The following ITPK1 variants were observed in gnomAD, a reference collection of about 807,000 sequenced individuals.
ITPK1 encodes the protein inositol 1,3,4-trisphosphate 5/6-kinase.
In ITPK1, 21 loss-of-function variants were observed where a neutral mutation model predicts 45.3. The ratio of observed to expected loss-of-function variants is 0.46; its 90% CI spans 0.33 to 0.67. The LOEUF is 0.67. Among genes scored for constraint, ITPK1 ranks in the 30% least tolerant of loss-of-function variants. ITPK1 has a pLI of 0.02. For synonymous variants in ITPK1, 258 were observed against 253.6 expected (o/e 1.02, Z -0.16); for missense variants, 474 against 573.5 (o/e 0.83, Z 1.77).
At chr14:93,009,485 G>A (rs918560230) in intron 4 of ITPK1, among the ~76,000 whole-genome samples, 3 of 152,290 alleles carry the variant, frequency 2.0e-5, no homozygotes, top group South Asian at 2.1e-4. Context: ...TGGGGACCAG[G>A]CTTGCTTTCC....
At position 92,978,605 on chromosome 14, in the gene ITPK1, G is replaced by A. The variant is rs956174155; in HGVS notation, c.364+15275C>T. ...GCCCTGCTGCTCCATGCAGCCTCAGGACATGGCATCCTGCATCCCAGCTGC... is the reference window on the plus strand; with the variant it reads ...GCCCTGCTGCTCCATGCAGCCTCAGAACATGGCATCCTGCATCCCAGCTGC... On this transcript the variant is annotated intron_variant, in intron 5 of 10. Transcript: ENST00000267615. Among the ~76,000 whole-genome samples the A allele has an allele frequency of 3.3e-5, 5 of 151,972 alleles. 1 individual carries two copies. Among genetic ancestry groups the A allele is most frequent in the African/African-American group, 1.2e-4 (5 of 41,232 alleles).
At chr14:93,075,326 C>CAAAAAAAAAAAAAAAAAAAA in intron 3 of ITPK1, among the ~76,000 whole-genome samples, 1 of 53,962 alleles carries the variant, frequency 1.9e-5, no homozygotes, top group Non-Finnish European at 3.3e-5. Flanking sequence ...GACTCCTTCT[C>CAAAAAAAAAAAAAAAAAAAA]AAAAAAAAAA....
chr14:93,090,329 C>T (rs995977062), intron 2 of ITPK1, among the ~76,000 whole-genome samples: 1 of 152,204 alleles, frequency 6.6e-6, no homozygotes, highest in African/African-American at 2.4e-5. Context: ...GCCTCTTCCT[C>T]GCACCATCCT....
chr14:93,031,434 C>T (rs924947021), intron 3 of ITPK1, among the ~76,000 whole-genome samples: 2 of 152,212 alleles, frequency 1.3e-5, no homozygotes, highest in South Asian at 2.1e-4. Flanking sequence ...CTGGTACAGG[C>T]TGTAAGCGCT....
chr14:93,098,239 G>A (rs752489030), intron 2 of ITPK1, among the ~76,000 whole-genome samples: 1 of 151,868 alleles, frequency 6.6e-6, no homozygotes, highest in African/African-American at 2.4e-5. Flanking sequence ...GGCAGATCAC[G>A]AGGTCAGGAG....
rs773077144 is a variant in ITPK1 at position 93,016,664 on chromosome 14, G to T, written c.246+12C>A. 3 of 1,613,678 alleles carry T rather than the reference G, an allele frequency of 1.9e-6. No individual in the cohort carries two copies. In the South Asian group the frequency reaches 3.3e-5, roughly 18 times the overall value. ...AAATGCCACAGCCAAGGGCTGCATGGTCCTCACTCACCTGGAACCTGTGCA... is the reference window on the plus strand; with the variant it reads ...AAATGCCACAGCCAAGGGCTGCATGTTCCTCACTCACCTGGAACCTGTGCA... On this transcript the variant is annotated intron_variant, in intron 4 of 10. Coordinates refer to ENST00000267615, the MANE Select transcript of ITPK1 (RefSeq NM_014216.6). This position sits in a 1 kb window ranked among gnomAD's most constrained non-coding sequence, Gnocchi z 5.0.
intron 5 of ITPK1, among the ~76,000 whole-genome samples, chr14:92,965,256 G>C (rs1885284485): frequency 6.6e-6 from 1 of 152,108 alleles, no homozygotes; most frequent in South Asian, 2.1e-4. Context: ...TATCAATAGA[G>C]GACAAAAACC....
intron 8 of ITPK1, among the ~76,000 whole-genome samples, chr14:92,957,368 A>AGAAC (rs1884792817): frequency 6.6e-6 from 1 of 152,276 alleles, no homozygotes; most frequent in Admixed American, 6.5e-5. Flanking sequence ...AAAGGTTTCC[A>AGAAC]GAACGTGCCT....
intron 5 of ITPK1, among the ~76,000 whole-genome samples, chr14:92,986,502 C>T (rs141791392): frequency 1.8e-4 from 28 of 152,316 alleles, no homozygotes; most frequent in African/African-American, 2.6e-4. Context: ...GAAAAGTGAT[C>T]GGAGCCAGCT....
At chr14:92,974,524 AG>A (rs1221581648) in intron 5 of ITPK1, among the ~76,000 whole-genome samples, 1 of 152,138 alleles carries the variant, frequency 6.6e-6, no homozygotes, top group Non-Finnish European at 1.5e-5. Flanking sequence ...GGCCTTGGGC[AG>A]GCCAGGCATG....
At chr14:92,951,533 C>T (rs775885773) in intron 9 of ITPK1, among the ~76,000 whole-genome samples, 30 of 152,182 alleles carry the variant, frequency 2.0e-4, no homozygotes, top group Non-Finnish European at 4.1e-4. Flanking sequence ...TCCTGCCAGC[C>T]TCAGGACCAC....
At chr14:93,074,423 G>A (rs761123532) in intron 3 of ITPK1, among the ~76,000 whole-genome samples, 6 of 152,294 alleles carry the variant, frequency 3.9e-5, no homozygotes, top group South Asian at 2.1e-4. Flanking sequence ...GAAACCCGCC[G>A]ACCCCTGTCC....
chr14:93,025,768 C>T (rs1888704900), intron 3 of ITPK1, among the ~76,000 whole-genome samples: 1 of 152,224 alleles, frequency 6.6e-6, no homozygotes, highest in Admixed American at 6.5e-5. Flanking sequence ...TCTAGGTCCT[C>T]CCTTTTTCAC....
chr14:93,078,599 CCACGGTTT>C (rs1182035039), intron 2 of ITPK1, among the ~76,000 whole-genome samples: 2 of 152,172 alleles, frequency 1.3e-5, no homozygotes, highest in Admixed American at 6.5e-5. Context: ...CCATCTGCTT[CCACGGTTT>C]CATGAGGGAC....
At chr14:93,102,932 C>G (rs1477561015) in intron 2 of ITPK1, among the ~76,000 whole-genome samples, 3 of 151,528 alleles carry the variant, frequency 2.0e-5, no homozygotes, top group Non-Finnish European at 4.4e-5. Context: ...AACCCTGTCT[C>G]TACTAAAAAT....
rs779002399 is a variant in ITPK1 at position 92,937,724 on chromosome 14, G to C, written c.*3837C>G. 5 of 152,704 alleles carry C rather than the reference G, an allele frequency of 3.3e-5. No homozygotes were observed. Among genetic ancestry groups the C allele is most frequent in the Non-Finnish European group, 7.3e-5 (5 of 68,410 alleles). 9.5% of individuals were successfully genotyped at this position (152,704 alleles called of 1,614,324 possible). ...ACCTGAGTCAGGCTTATGCCTGGGCGGGGCAGATGACTGTGGCATCGGGGT... is the reference window on the plus strand; with the variant it reads ...ACCTGAGTCAGGCTTATGCCTGGGCCGGGCAGATGACTGTGGCATCGGGGT... On this transcript the variant is annotated 3_prime_UTR_variant, in exon 11 of 11. Coordinates refer to ENST00000267615, the MANE Select transcript of ITPK1 (RefSeq NM_014216.6).
chr14:93,081,656 C>T (rs973305740), intron 2 of ITPK1, among the ~76,000 whole-genome samples: 1 of 152,214 alleles, frequency 6.6e-6, no homozygotes, highest in African/African-American at 2.4e-5. Context: ...CATTTGCCAT[C>T]TGGCAGAGCA....
chr14:92,956,404 T>C (rs533750851), intron 8 of ITPK1, among the ~76,000 whole-genome samples: 1 of 152,160 alleles, frequency 6.6e-6, no homozygotes, highest in East Asian at 1.9e-4. Context: ...GAACTGGGAC[T>C]ACAGGCATGA....
chr14:92,986,507 C>T (rs1886490835), intron 5 of ITPK1, among the ~76,000 whole-genome samples: 1 of 152,182 alleles, frequency 6.6e-6, no homozygotes, highest in African/African-American at 2.4e-5. Flanking sequence ...GTGATCGGAG[C>T]CAGCTGATGT....
Sources: allele counts gnomAD v4.1 joint callset (sites outside exome capture counted in the v4.1 genomes callset), GRCh38; gene constraint gnomAD v4.1.1; non-coding constraint Gnocchi (gnomAD v3.1); transcripts MANE v1.5; gene names NCBI Gene and HGNC (gene_info 2026-07-23, HGNC 2026-07-21).